SNX24: variants seen among roughly 807,000 people sequenced by gnomAD.
The protein encoded by SNX24 is sorting nexin-24.
In SNX24, 22 loss-of-function variants were observed where a neutral mutation model predicts 28.7. The observed-to-expected ratio is 0.77, with a 90% CI of 0.55 to 1.10. The LOEUF (loss-of-function observed/expected upper bound fraction) is 1.10, where lower values mean the gene tolerates loss of function less well. Ranked by LOEUF, SNX24 falls within the 50% of genes least tolerant of loss-of-function variation. The probability of loss-of-function intolerance (pLI) is 0.00; values close to 1 mark genes in which losing one functional copy is unlikely to be tolerated. For synonymous variants in SNX24, 69 were observed against 71.5 expected (o/e 0.96, Z 0.18); for missense variants, 221 against 201.1 (o/e 1.10, Z -0.60).
At chr5:122,884,338 G>A (rs1013060674) in intron 1 of SNX24, among the ~76,000 whole-genome samples, 17 of 130,022 alleles carry the variant, frequency 1.3e-4, no homozygotes, top group African/African-American at 4.1e-4. Context: ...TGCAACCTCC[G>A]CCTCCCTGGT....
intron 1 of SNX24, among the ~76,000 whole-genome samples, chr5:122,868,569 G>C (rs1461889558): frequency 6.6e-6 from 1 of 152,072 alleles, no homozygotes; most frequent in Non-Finnish European, 1.5e-5. Context: ...GGCACCATTG[G>C]ATCTGCTGGA....
At chr5:122,870,778 A>C (rs549674510) in intron 1 of SNX24, among the ~76,000 whole-genome samples, 2 of 152,220 alleles carry the variant, frequency 1.3e-5, no homozygotes, top group Non-Finnish European at 2.9e-5. Context: ...TGTTAGCACC[A>C]CTTCAGGTGC....
intron 1 of SNX24, among the ~76,000 whole-genome samples, chr5:122,858,024 GC>G (rs1337968757): frequency 2.0e-5 from 3 of 152,060 alleles, no homozygotes; most frequent in Non-Finnish European, 4.4e-5. Flanking sequence ...CTCATGATCC[GC>G]CCACCTCGGC....
chr5:122,889,996 G>A (rs1454657236), intron 1 of SNX24, among the ~76,000 whole-genome samples: 2 of 150,112 alleles, frequency 1.3e-5, no homozygotes, highest in East Asian at 3.9e-4. Context: ...CCTTCAATCT[G>A]GAACTGCCTC....
chr5:123,028,971 G>T, intron 5 of SNX24: 1 of 1,058,790 alleles, frequency 9.4e-7, no homozygotes, highest in Non-Finnish European at 1.4e-6. Flanking sequence ...TAAACAAAAT[G>T]CCTACAGAAC....
At chr5:122,978,006 G>A (rs1408068847) in intron 3 of SNX24, among the ~76,000 whole-genome samples, 2 of 152,142 alleles carry the variant, frequency 1.3e-5, no homozygotes, top group African/African-American at 4.8e-5. Context: ...TAAGAATTTG[G>A]TGGAATGTTT....
intron 1 of SNX24, among the ~76,000 whole-genome samples, chr5:122,899,701 G>T (rs1581722178): frequency 6.6e-6 from 1 of 152,232 alleles, no homozygotes; most frequent in Admixed American, 6.5e-5. Flanking sequence ...GAGGCACTGT[G>T]CCTGGCCCCC....
rs777839472 is a variant in SNX24, at chr5:122,946,075, T to G, written c.165T>G (p.Thr55=). The G allele has an allele frequency of 1.9e-6, 3 of 1,599,100 alleles. No homozygotes were observed. The Admixed American group carries it at 5.1e-5, about 27-fold the overall frequency. Residue 55 remains threonine, a synonymous_variant, in exon 3 of 7, where the codon ACT becomes ACG. Coordinates refer to ENST00000261369, the MANE Select transcript of SNX24 (RefSeq NM_014035.4). ...LHKKLKKCIK[T]PEIPSKHVRN... is the part of the protein sequence containing the mutation. ...TATAGCTTAAGAAATGTATAAAAAC[T>G]CCAGAAATCCCTTCTAAACATGTTA...
At chr5:122,998,361 G>A (rs1762123840) in intron 3 of SNX24, 1 of 152,108 alleles carries the variant, frequency 6.6e-6, no homozygotes. Flanking sequence ...GTTGTTTAGT[G>A]TGTGTGTTTA....
chr5:122,875,096 A>G (rs908556278), intron 1 of SNX24, among the ~76,000 whole-genome samples: 2 of 152,234 alleles, frequency 1.3e-5, no homozygotes, highest in African/African-American at 4.8e-5. Flanking sequence ...TAAAGCAAAC[A>G]AAAACAAAAC....
chr5:122,946,014 G>GTTTTTTTTTTTTTTTTTTTTTT (rs574269067), intron 2 of SNX24, 41 bp from the exon 3 acceptor site: 3 of 877,816 alleles, frequency 3.4e-6, no homozygotes, highest in Admixed American at 3.1e-5. Flanking sequence ...AGACATCTCT[G>GTTTTTTTTTTTTTTTTTTTTTT]TTTTTTTTTT....
chr5:122,849,360 A>G (rs1487286558), intron 1 of SNX24, among the ~76,000 whole-genome samples: 1 of 152,090 alleles, frequency 6.6e-6, no homozygotes, highest in Non-Finnish European at 1.5e-5. Context: ...GAAGCTGCTC[A>G]GAGCTAGGCC....
chr5:122,871,517 C>G (rs867955784), intron 1 of SNX24, among the ~76,000 whole-genome samples: 2 of 152,110 alleles, frequency 1.3e-5, no homozygotes, highest in Non-Finnish European at 2.9e-5. Context: ...CCTGTAATCC[C>G]AACACTTTGG....
intron 2 of SNX24, among the ~76,000 whole-genome samples, chr5:122,940,793 G>T (rs1460012549): frequency 2.6e-5 from 4 of 152,118 alleles, no homozygotes; most frequent in African/African-American, 9.7e-5. Context: ...GGCTGGTCTC[G>T]AACTCTTGAC....
At chr5:123,013,175 TATTC>T (rs1324218018), downstream of SNX24, among the ~76,000 whole-genome samples, 3 of 152,270 alleles carry the variant, frequency 2.0e-5, no homozygotes, top group Non-Finnish European at 2.9e-5. Flanking sequence ...GGAAGTTGTA[TATTC>T]ATTCATTCAG....
intron 1 of SNX24, among the ~76,000 whole-genome samples, chr5:122,933,754 A>G (rs963813372): frequency 2.0e-5 from 3 of 151,824 alleles, no homozygotes; most frequent in East Asian, 3.9e-4. Flanking sequence ...TTGTTTTTCA[A>G]TAGGAGTGAA....
At chr5:122,857,156 TG>T (rs1462534183) in intron 1 of SNX24, among the ~76,000 whole-genome samples, 1 of 151,878 alleles carries the variant, frequency 6.6e-6, no homozygotes, top group East Asian at 1.9e-4. Flanking sequence ...AGATTACAGG[TG>T]CACACCACCA....
downstream of SNX24, among the ~76,000 whole-genome samples, chr5:123,012,708 G>A (rs1762611465): frequency 6.6e-6 from 1 of 152,160 alleles, no homozygotes; most frequent in East Asian, 1.9e-4. Context: ...GTGACTGCAG[G>A]CTCAGAGAAT....
At chr5:122,853,936 T>C (rs1408029410) in intron 1 of SNX24, among the ~76,000 whole-genome samples, 1 of 152,226 alleles carries the variant, frequency 6.6e-6, no homozygotes, top group Admixed American at 6.5e-5. Context: ...TTTTGTATTT[T>C]TAAGAATTCT....
Sources: gnomAD v4.1 joint callset for allele counts (sites outside exome capture counted in the v4.1 genomes callset) on GRCh38, gnomAD v4.1.1 for gene constraint, MANE v1.5 for transcripts, NCBI Gene and HGNC (gene_info 2026-07-23, HGNC 2026-07-21) for gene names.